Variants in PUDP observed in about 807,000 individuals in gnomAD.
PUDP encodes pseudouridine 5'-phosphatase.
PUDP carries 8 observed loss-of-function variants against 9.4 expected under a neutral mutation model. The observed-to-expected ratio is 0.85, with a 90% CI of 0.50 to 1.53. The LOEUF is 1.53. PUDP is among the 40% of genes most tolerant of loss of function. The pLI is 0.00. For missense variants in PUDP, 188 were observed against 189.7 expected, an observed-to-expected ratio of 0.99 and a Z score of 0.05; for synonymous variants, 99 against 80.7, an observed-to-expected ratio of 1.23 and a Z score of -1.22.
chrX:6,904,959 C>T (rs1288412976), intron 3 of PUDP, among the ~76,000 whole-genome samples: 1 of 112,092 alleles, frequency 8.9e-6, no homozygotes, highest in Non-Finnish European at 1.9e-5. Context: ...GATGCCAACA[C>T]TCACTGTCCA....
intron 1 of PUDP, among the ~76,000 whole-genome samples, chrX:7,112,424 G>C (rs181677127): frequency 1.8e-5 from 2 of 112,243 alleles, no homozygotes; most frequent in African/African-American, 3.2e-5. Context: ...GTTACACTTT[G>C]TGCATCTTGC....
intron 3 of PUDP, among the ~76,000 whole-genome samples, chrX:6,863,238 T>A (rs971640353): frequency 2.7e-5 from 3 of 112,333 alleles, no homozygotes; most frequent in African/African-American, 9.7e-5. Flanking sequence ...TAATGTTTTA[T>A]AAATTACTGA....
intron 3 of PUDP, among the ~76,000 whole-genome samples, chrX:6,833,271 A>AT (rs1926531957): frequency 8.9e-6 from 1 of 112,115 alleles, no homozygotes; most frequent in Non-Finnish European, 1.9e-5. Context: ...TGAAGAAAGG[A>AT]TGAATGGATG....
intron 1 of PUDP, among the ~76,000 whole-genome samples, chrX:7,108,063 C>T (rs1931937259): frequency 8.9e-6 from 1 of 112,533 alleles, no homozygotes; most frequent in African/African-American, 3.2e-5. Context: ...GGCAGTCAAT[C>T]ATATCCACCA....
At chrX:6,964,705 A>T (rs1019059847) in intron 3 of PUDP, among the ~76,000 whole-genome samples, 3 of 111,110 alleles carry the variant, frequency 2.7e-5, no homozygotes, top group Non-Finnish European at 5.7e-5. Flanking sequence ...AAAAGTCAAT[A>T]AATGAATAAA....
chrX:6,738,639 G>A (rs1372696415), intron 3 of PUDP, among the ~76,000 whole-genome samples: 3 of 111,590 alleles, frequency 2.7e-5, no homozygotes, highest in Non-Finnish European at 3.8e-5. Flanking sequence ...CATGTCTGGA[G>A]ACATTTTGGG....
Position 6,922,950 on chromosome X carries a change from T to A in PUDP, c.*247+54183A>T, listed in dbSNP as rs1035256514. ...GCCACAAAACTCCTTGAAATAATTATCTAAAATCGTGTTGCCACTTTCTTT... is the reference window on the plus strand; with the variant it reads ...GCCACAAAACTCCTTGAAATAATTAACTAAAATCGTGTTGCCACTTTCTTT... On this transcript the variant is annotated intron_variant and NMD_transcript_variant, in intron 3 of 3. Coordinates refer to the PUDP transcript ENST00000655425. 2.7e-5 allele frequency among the ~76,000 whole-genome samples: 3 copies of A among 112,376 alleles called. No homozygotes were observed. The South Asian group carries it at 1.1e-3, about 41-fold the overall frequency.
At chrX:6,757,255 G>T (rs1273682854) in intron 3 of PUDP, among the ~76,000 whole-genome samples, 1 of 111,514 alleles carries the variant, frequency 9.0e-6, no homozygotes, top group Non-Finnish European at 1.9e-5. Flanking sequence ...GAAGCTAATT[G>T]GTTCTCTAGC....
At chrX:7,029,250 T>G (rs1929760713) in intron 1 of PUDP, among the ~76,000 whole-genome samples, 1 of 111,983 alleles carries the variant, frequency 8.9e-6, no homozygotes, top group African/African-American at 3.2e-5. Context: ...CTCCGTTGCC[T>G]TAATCACTCC....
intron 1 of PUDP, among the ~76,000 whole-genome samples, chrX:7,035,871 T>A (rs897930065): frequency 9.8e-5 from 11 of 111,797 alleles, no homozygotes; most frequent in Non-Finnish European, 2.1e-4. Context: ...GCTGTTTGGG[T>A]CATGGGGACA....
intron 2 of PUDP, among the ~76,000 whole-genome samples, chrX:7,078,276 G>C (rs1930978183): frequency 8.9e-6 from 1 of 112,263 alleles, no homozygotes; most frequent in African/African-American, 3.2e-5. Context: ...ATCCACACAA[G>C]GTGTGACGGT....
chrX:7,017,063 T>C (rs1481690987), intron 1 of PUDP, among the ~76,000 whole-genome samples: 4 of 111,856 alleles, frequency 3.6e-5, no homozygotes, highest in Admixed American at 9.4e-5. Context: ...AGAAAAGTCA[T>C]AGGGCTTCAC....
chrX:6,811,026 C>G (rs1248260158), intron 3 of PUDP, among the ~76,000 whole-genome samples: 2 of 111,632 alleles, frequency 1.8e-5, no homozygotes, highest in Non-Finnish European at 3.8e-5. Context: ...AGTCATGCAA[C>G]TCAAAGACAT....
At chrX:7,081,047 C>A (rs1409344837) in intron 2 of PUDP, among the ~76,000 whole-genome samples, 1 of 111,828 alleles carries the variant, frequency 8.9e-6, no homozygotes, top group Non-Finnish European at 1.9e-5. Context: ...CAATTTTAAA[C>A]CAATATTTTA....
At chrX:7,045,032 C>G (rs752004923), downstream of PUDP, among the ~76,000 whole-genome samples, 27 of 112,138 alleles carry the variant, frequency 2.4e-4, no homozygotes, top group South Asian at 7.4e-4. Flanking sequence ...GTGTCCCCCC[C>G]CAAATCTCAT....
intron 3 of PUDP, among the ~76,000 whole-genome samples, chrX:7,065,929 C>T (rs1289801815): frequency 3.6e-5 from 4 of 112,115 alleles, no homozygotes; most frequent in African/African-American, 1.3e-4. Flanking sequence ...ATCTGTGGTA[C>T]TACATTAAAT....
intron 1 of PUDP, among the ~76,000 whole-genome samples, chrX:6,993,937 T>A (rs1929218489): frequency 8.9e-6 from 1 of 112,077 alleles, no homozygotes. Flanking sequence ...AAAATCCATA[T>A]GAAATTGTAT....
At chrX:6,880,814 T>C (rs1927336067) in intron 3 of PUDP, among the ~76,000 whole-genome samples, 1 of 111,990 alleles carries the variant, frequency 8.9e-6, no homozygotes, top group Admixed American at 9.5e-5. Context: ...TGCCATCTAC[T>C]ATATCATTCA....
At chrX:6,932,163 A>G (rs910675996) in intron 3 of PUDP, among the ~76,000 whole-genome samples, 13 of 111,313 alleles carry the variant, frequency 1.2e-4, no homozygotes, top group African/African-American at 4.3e-4. Context: ...GGGCTTGGCA[A>G]CTGCTTTTTA....
Sources: allele counts gnomAD v4.1 joint callset (sites outside exome capture counted in the v4.1 genomes callset), GRCh38; gene constraint gnomAD v4.1.1; transcripts MANE v1.5; gene names NCBI Gene and HGNC (gene_info 2026-07-23, HGNC 2026-07-21).